Variants in RRP12 observed in about 807,000 individuals in gnomAD.
RRP12 encodes the protein RRP12-like protein.
Under a neutral mutation model 157.3 loss-of-function variants are expected in RRP12, and 78 were observed. The ratio of observed to expected loss-of-function variants is 0.50; its 90% CI spans 0.41 to 0.60. The LOEUF is 0.60. Ranked by LOEUF, RRP12 falls within the 20% of genes least tolerant of loss-of-function variation. The pLI, the probability that RRP12 is intolerant of heterozygous loss-of-function variation, is 0.00. For missense variants in RRP12, 1,521 were observed against 1,679.9 expected (o/e 0.91, Z 1.65); for synonymous variants, 726 against 670.9 (o/e 1.08, Z -1.27).
intron 29 of RRP12, 35 bp from the exon 30 acceptor site, chr10:97,363,938 G>A (rs1446242246): frequency 1.2e-6 from 2 of 1,602,478 alleles, no homozygotes; most frequent in Admixed American, 1.7e-5. Context: ...TGAGCGCTGT[G>A]GGAGCTCCTC....
At chr10:97,379,937 G>A (rs933115368) in intron 13 of RRP12, among the ~76,000 whole-genome samples, 167 bp from the exon 14 acceptor site, 2 of 152,158 alleles carry the variant, frequency 1.3e-5, no homozygotes, top group Admixed American at 6.5e-5. Flanking sequence ...AAATCCCAGG[G>A]CCTAGGATTT....
chr10:97,379,146 C>T, intron 15 of RRP12, 147 bp downstream of exon 15: 1 of 961,498 alleles, frequency 1.0e-6, no homozygotes, highest in Non-Finnish European at 1.6e-6. Flanking sequence ...CACTCCAGCA[C>T]TGGCTGGCCA....
intron 33 of RRP12, among the ~76,000 whole-genome samples, chr10:97,357,852 C>T (rs1370447193): frequency 6.6e-6 from 1 of 150,950 alleles, no homozygotes; most frequent in African/African-American, 2.4e-5. Context: ...CCAGCTACTC[C>T]GGAGGCTGAG....
At chr10:97,386,921 C>T (rs1347944062) in intron 8 of RRP12, among the ~76,000 whole-genome samples, 3 of 151,852 alleles carry the variant, frequency 2.0e-5, no homozygotes, top group African/African-American at 7.3e-5. Context: ...ACCCGGAAGG[C>T]GGAGTTTGCA....
Position 97,390,735 on chromosome 10 carries a change from T to C in RRP12, c.636+4A>G, listed in dbSNP as rs754835715. 109 of 1,597,338 alleles carry C rather than the reference T, an allele frequency of 6.8e-5. No homozygotes were observed. Among genetic ancestry groups the C allele is most frequent in the Middle Eastern group, 1.7e-4 (1 of 6,052 alleles). ...AGATGAGAAACTAAACCCCAGACAC[T>C]AACCCATCGGAGGACAGAGGTGGAG... is the stretch of plus-strand genomic sequence containing the variant. On this transcript the variant is annotated splice_donor_region_variant and intron_variant, in intron 5 of 33. Transcript: ENST00000370992.
intron 20 of RRP12, 180 bp from the exon 21 acceptor site, chr10:97,371,261 T>C (rs1589419392): frequency 3.0e-6 from 2 of 666,184 alleles, no homozygotes; most frequent in South Asian, 1.9e-5. Context: ...GGCACAGGGG[T>C]TGGGGGTGTG....
chr10:97,370,116 C>T, intron 24 of RRP12, 51 bp downstream of exon 24: 1 of 1,272,466 alleles, frequency 7.9e-7, no homozygotes, highest in Non-Finnish European at 1.1e-6. Flanking sequence ...ACCTTTTGGG[C>T]ATCTTCCTAA....
rs749956011 is a variant in RRP12, at chr10:97,379,295, T to C, written c.1796A>G (p.Lys599Arg). ...ACACAGGCAAGGGTCTCTCCTACCT[T>C]TGCTCTTCAGGGTGTTAGCCAGGGG... ...FLPLANTLKS[K>R]AMDLAQAGST... The change falls in exon 15 of 34, where the codon AAA becomes AGA. Residue 599 changes from lysine (K) to arginine (R), a missense_variant and splice_region_variant. Transcript: ENST00000370992. The C allele has an allele frequency of 7.4e-6, 12 of 1,613,736 alleles. No homozygotes were observed. The highest frequency in any genetic ancestry group is 2.7e-5 in the African/African-American group (2 of 74,922).
At position 97,370,516 on chromosome 10, in the gene RRP12, G is replaced by T; in HGVS notation, c.2628C>A (p.Asn876Lys). The change falls in exon 23 of 34, where the codon AAC becomes AAA. Residue 876 changes from asparagine (N) to lysine (K), a missense_variant. Asn to Lys is a moderately conservative substitution (Grantham distance 94). Transcript: ENST00000370992. ...CCATCTCCACGAGCAGTGCAAAAGCGTTCTTCCGTGCGCCCACCGACACCT... is the reference window on the plus strand; with the variant it reads ...CCATCTCCACGAGCAGTGCAAAAGCTTTCTTCCGTGCGCCCACCGACACCT... ...TKEVSVGARK[N>K]AFALLVEMGH... 6.2e-7 allele frequency: 1 copy of T among 1,605,766 alleles called. No individual in the cohort carries two copies.
At chr10:97,394,721 A>G (rs985430519) in intron 3 of RRP12, among the ~76,000 whole-genome samples, 1 of 152,192 alleles carries the variant, frequency 6.6e-6, no homozygotes, top group Non-Finnish European at 1.5e-5. Context: ...AATTTATTTC[A>G]TTATTCTAGA....
chr10:97,358,026 A>C (rs1843754942), intron 33 of RRP12, among the ~76,000 whole-genome samples: 1 of 151,508 alleles, frequency 6.6e-6, no homozygotes, highest in Non-Finnish European at 1.5e-5. Flanking sequence ...TGTATGACAT[A>C]ATATCATGTT....
intron 15 of RRP12, among the ~76,000 whole-genome samples, chr10:97,378,972 T>A (rs1313763312): frequency 6.6e-6 from 1 of 152,212 alleles, no homozygotes; most frequent in African/African-American, 2.4e-5. Context: ...TCTCAAGGGC[T>A]TGCATGAGGA....
chr10:97,390,400 T>C, intron 6 of RRP12, 23 bp downstream of exon 6: 1 of 1,580,842 alleles, frequency 6.3e-7, no homozygotes, highest in Non-Finnish European at 8.7e-7. Context: ...TTGCCCCATT[T>C]TCTAGGGAGC....
chr10:97,357,244 G>GCC, intron 33 of RRP12, 48 bp from the exon 34 acceptor site: 1 of 1,255,246 alleles, frequency 8.0e-7, no homozygotes, highest in South Asian at 1.3e-5. Context: ...AGAATAGGAG[G>GCC]CCCCCTCCTG....
chr10:97,356,466 C>G (rs1009907175), downstream of RRP12: 1 of 152,252 alleles, frequency 6.6e-6, no homozygotes, highest in Non-Finnish European at 1.5e-5. Context: ...GGGGCAGTCC[C>G]TGGTGCTGAA....
chr10:97,381,342 C>A (rs761737968), intron 12 of RRP12, 44 bp downstream of exon 12: 3 of 1,432,316 alleles, frequency 2.1e-6, no homozygotes, highest in East Asian at 4.6e-5. Context: ...GAACTTTCCT[C>A]AAGGTACCAC....
At chr10:97,395,910 CA>C (rs2133099515) in intron 3 of RRP12, among the ~76,000 whole-genome samples, 1 of 151,172 alleles carries the variant, frequency 6.6e-6, no homozygotes, top group Non-Finnish European at 1.5e-5. Context: ...CCTGTAATCC[CA>C]ACAATTTGGG....
At chr10:97,392,849 C>T (rs1307355171) in intron 4 of RRP12, among the ~76,000 whole-genome samples, 2 of 151,872 alleles carry the variant, frequency 1.3e-5, no homozygotes, top group East Asian at 3.9e-4. Flanking sequence ...TGCCACCATG[C>T]CCAGCTAATT....
chr10:97,400,252 C>T (rs1845101797), intron 2 of RRP12, 53 bp downstream of exon 2: 1 of 1,339,256 alleles, frequency 7.5e-7, no homozygotes, highest in African/African-American at 1.4e-5. Flanking sequence ...GAAGAAAAGG[C>T]ATGAGTTGGC....
Sources: gnomAD v4.1 joint callset for allele counts (sites outside exome capture counted in the v4.1 genomes callset) on GRCh38, gnomAD v4.1.1 for gene constraint, MANE v1.5 for transcripts, NCBI Gene and HGNC (gene_info 2026-07-23, HGNC 2026-07-21) for gene names.